Variants in INPP5A observed in about 807,000 individuals in gnomAD.
INPP5A encodes the protein 43 kDa inositol polyphosphate 5-phophatase.
In INPP5A, 14 loss-of-function variants were observed where a neutral mutation model predicts 65.2. The observed-to-expected ratio is 0.21, with a 90% CI of 0.14 to 0.34. The LOEUF (loss-of-function observed/expected upper bound fraction) is 0.34. INPP5A is among the 10% of genes least tolerant of loss of function. The probability of loss-of-function intolerance (pLI) is 1.00; values close to 1 mark genes in which losing one functional copy is unlikely to be tolerated. For missense variants in INPP5A, 431 were observed against 545.6 expected (o/e 0.79, Z 2.09); for synonymous variants, 207 against 208.3 (o/e 0.99, Z 0.05).
chr10:132,736,310 C>T (rs996644869), intron 9 of INPP5A, among the ~76,000 whole-genome samples: 1 of 152,266 alleles, frequency 6.6e-6, no homozygotes, highest in African/African-American at 2.4e-5. Flanking sequence ...CCCGTCTCCA[C>T]GCGGCCCGAC....
At position 132,704,729 on chromosome 10, in the gene INPP5A, G is replaced by A. The variant is rs565026471; in HGVS notation, c.475-3584G>A. Among the ~76,000 whole-genome samples the A allele has an allele frequency of 1.3e-3, 194 of 152,348 alleles. 2 individuals are homozygous for A. The highest frequency in any genetic ancestry group is 3.8e-3 in the African/African-American group (158 of 41,582). Reference sequence around the variant, plus strand: ...CGGAAAGTGCAGGCTGGATTTGGACGTGTGGGAGATGGAGGAAGGGCGTCT... The same window carrying A: ...CGGAAAGTGCAGGCTGGATTTGGACATGTGGGAGATGGAGGAAGGGCGTCT... On this transcript the variant is annotated intron_variant, in intron 6 of 15. Transcript: ENST00000368594. The surrounding 1 kb of genome is among the most constrained non-coding windows in gnomAD (Gnocchi z 4.5).
At chr10:132,588,920 G>C (rs927026108) in intron 1 of INPP5A, among the ~76,000 whole-genome samples, 1 of 151,538 alleles carries the variant, frequency 6.6e-6, no homozygotes, top group Admixed American at 6.6e-5. Context: ...GTGGTCCCAC[G>C]TTCTGGTGTG....
At chr10:132,589,591 C>A (rs1458100400) in intron 1 of INPP5A, among the ~76,000 whole-genome samples, 1 of 152,240 alleles carries the variant, frequency 6.6e-6, no homozygotes, top group Non-Finnish European at 1.5e-5. Context: ...GTAGAGGTTT[C>A]TTGCCGGTGT....
At chr10:132,562,807 A>G (rs2071222939) in intron 1 of INPP5A, among the ~76,000 whole-genome samples, 1 of 152,196 alleles carries the variant, frequency 6.6e-6, no homozygotes, top group African/African-American at 2.4e-5. Context: ...GATGGATGGC[A>G]GCTGCAGAGG....
chr10:132,614,625 G>A (rs193177398), intron 2 of INPP5A, among the ~76,000 whole-genome samples: 80 of 152,334 alleles, frequency 5.3e-4, no homozygotes, highest in African/African-American at 1.9e-3. Flanking sequence ...ATGTCAGGAG[G>A]GGCTCAGGCC....
At chr10:132,634,834 C>T (rs954717803) in intron 2 of INPP5A, among the ~76,000 whole-genome samples, 8 of 152,262 alleles carry the variant, frequency 5.3e-5, no homozygotes, top group Non-Finnish European at 1.5e-5. Context: ...CCCTGCCTGG[C>T]TCACCGCAGC....
chr10:132,590,785 T>C (rs1210252740), intron 1 of INPP5A, among the ~76,000 whole-genome samples: 2 of 152,216 alleles, frequency 1.3e-5, no homozygotes, highest in Non-Finnish European at 2.9e-5. Context: ...GGCATTGCCA[T>C]CTGAAAGAGT....
At chr10:132,658,128 T>G (rs1484396284) in intron 4 of INPP5A, among the ~76,000 whole-genome samples, 1 of 152,272 alleles carries the variant, frequency 6.6e-6, no homozygotes, top group East Asian at 1.9e-4. Flanking sequence ...TTAAAAATAT[T>G]GATCTCTGGA....
intron 9 of INPP5A, among the ~76,000 whole-genome samples, chr10:132,731,479 G>A (rs1218562601): frequency 1.3e-5 from 2 of 152,078 alleles, no homozygotes; most frequent in Non-Finnish European, 2.9e-5. Context: ...CCCTGGGAGT[G>A]ACCGCATCCC....
intron 4 of INPP5A, among the ~76,000 whole-genome samples, chr10:132,669,375 T>C (rs1009394668): frequency 4.6e-5 from 7 of 152,220 alleles, no homozygotes; most frequent in Non-Finnish European, 2.9e-5. Flanking sequence ...TGGTGCCCAC[T>C]GTGGCCTACT....
At chr10:132,671,780 T>C (rs1474926362) in intron 4 of INPP5A, among the ~76,000 whole-genome samples, 1 of 152,210 alleles carries the variant, frequency 6.6e-6, no homozygotes, top group East Asian at 1.9e-4. Context: ...GTCTTCCCCG[T>C]GTCACAGATA....
chr10:132,561,751 C>T (rs1462955039), intron 1 of INPP5A, among the ~76,000 whole-genome samples: 9 of 151,878 alleles, frequency 5.9e-5, no homozygotes, highest in African/African-American at 1.9e-4. Flanking sequence ...CACACACACA[C>T]ACACACACAC....
In INPP5A at chr10:132,545,238, T is replaced by C. The variant is rs1416437716; in HGVS notation, c.75+7067T>C. ...GTACTGGGGTGTTTCCGTGGACTTG[T>C]TGGGTCTGATTCAGAAGTTACAGAA... On this transcript the variant is annotated intron_variant, in intron 1 of 15. Transcript: ENST00000368594. The surrounding 1 kb of genome is among the most constrained non-coding windows in gnomAD (Gnocchi z 4.6). 1.3e-5 allele frequency among the ~76,000 whole-genome samples: 2 copies of C among 152,246 alleles called. No individual in the cohort carries two copies. The highest frequency in any genetic ancestry group is 2.4e-5 in the African/African-American group (1 of 41,536).
In INPP5A at chr10:132,682,003, G is replaced by A. The variant is rs374471915; in HGVS notation, c.307-8389G>A. On this transcript the variant is annotated intron_variant, in intron 4 of 15. Transcript: ENST00000368594. ...CGGATTAGTCAAAGTCATGGAGACA[G>A]AAAGTACAGTGCCTGGTTGCCAGGG... Among the ~76,000 whole-genome samples the A allele has an allele frequency of 1.8e-4, 27 of 152,356 alleles. 1 individual carries two copies. The South Asian group carries it at 5.6e-3, about 32-fold the overall frequency.
intron 1 of INPP5A, among the ~76,000 whole-genome samples, chr10:132,582,856 G>A (rs748720494): frequency 3.9e-4 from 59 of 152,230 alleles, no homozygotes; most frequent in South Asian, 1.0e-3. Flanking sequence ...ATTAGAGTAA[G>A]TCTTACAGTC....
At chr10:132,729,684 C>T (rs1030699916) in intron 9 of INPP5A, among the ~76,000 whole-genome samples, 3 of 152,324 alleles carry the variant, frequency 2.0e-5, no homozygotes, top group East Asian at 1.9e-4. Context: ...AAGGGGTCCA[C>T]GCAGAGGGCC....
chr10:132,579,264 G>T (rs1332848798), intron 1 of INPP5A, among the ~76,000 whole-genome samples: 12 of 152,128 alleles, frequency 7.9e-5, no homozygotes, highest in Admixed American at 2.6e-4. Context: ...GGGCGGGGTG[G>T]CGAGTGGGGC....
chr10:132,579,852 G>A (rs899254789), intron 1 of INPP5A, among the ~76,000 whole-genome samples: 14 of 152,052 alleles, frequency 9.2e-5, no homozygotes, highest in South Asian at 2.1e-4. Flanking sequence ...TCTCCGTGGC[G>A]CCTGGTTCTT....
At position 132,705,919 on chromosome 10, in the gene INPP5A, T is replaced by C. The variant is rs890480838; in HGVS notation, c.475-2394T>C. Among the ~76,000 whole-genome samples, 1 of 152,204 alleles carries C rather than the reference T, an allele frequency of 6.6e-6. No individual in the cohort carries two copies. The highest frequency in any genetic ancestry group is 1.5e-5 in the Non-Finnish European group (1 of 68,036). The stretch of plus-strand genomic sequence containing the variant: ...GACGAGCAGACACCAGAATACAGAC[T>C]CACCCCAAATAAAGTTGATTTCTTG... On this transcript the variant is annotated intron_variant, in intron 6 of 15. Coordinates refer to ENST00000368594, the MANE Select transcript of INPP5A (RefSeq NM_005539.5). This position sits in a 1 kb window ranked among gnomAD's most constrained non-coding sequence, Gnocchi z 4.9.
Sources: allele counts gnomAD v4.1 joint callset (sites outside exome capture counted in the v4.1 genomes callset), GRCh38; gene constraint gnomAD v4.1.1; non-coding constraint Gnocchi (gnomAD v3.1); transcripts MANE v1.5; gene names NCBI Gene and HGNC (gene_info 2026-07-23, HGNC 2026-07-21).